IGFBP2: variants seen among roughly 807,000 people sequenced by gnomAD.
IGFBP2 encodes the protein insulin-like growth factor-binding protein 2.
Under a neutral mutation model 26.2 loss-of-function variants are expected in IGFBP2, and 12 were observed. That is an observed-to-expected ratio of 0.46 (90% CI 0.29 to 0.74). IGFBP2 has a LOEUF of 0.74. Ranked by LOEUF, IGFBP2 falls within the 30% of genes least tolerant of loss-of-function variation. The pLI is 0.09. For synonymous variants in IGFBP2, 189 were observed against 200.6 expected (o/e 0.94, Z 0.49); for missense variants, 328 against 441.2 (o/e 0.74, Z 2.30).
chr2:216,647,980 C>G (rs1697749600), intron 1 of IGFBP2, among the ~76,000 whole-genome samples: 1 of 152,218 alleles, frequency 6.6e-6, no homozygotes, highest in Admixed American at 6.5e-5. Context: ...CCTTTGGACA[C>G]TTGGAGGCCA....
chr2:216,635,411 C>T (rs545122639), intron 1 of IGFBP2, among the ~76,000 whole-genome samples: 7 of 152,240 alleles, frequency 4.6e-5, no homozygotes, highest in East Asian at 1.9e-4. Flanking sequence ...GTGCCTGTCC[C>T]CCAGTCATGC....
At chr2:216,634,894 TTTTTTTTTTTTTAA>T (rs1697463020) in intron 1 of IGFBP2, among the ~76,000 whole-genome samples, 1 of 62,414 alleles carries the variant, frequency 1.6e-5, no homozygotes, top group Non-Finnish European at 3.3e-5. Context: ...GGAGGTTACT[TTTTTTTTTTTTTAA>T]TTACGAAAGC....
intron 1 of IGFBP2, among the ~76,000 whole-genome samples, chr2:216,653,934 C>A (rs1697872118): frequency 6.6e-6 from 1 of 152,200 alleles, no homozygotes; most frequent in South Asian, 2.1e-4. Context: ...TCAACCATTT[C>A]TAAGCCCATG....
intron 1 of IGFBP2, among the ~76,000 whole-genome samples, chr2:216,650,442 A>G (rs1436198385): frequency 6.6e-6 from 1 of 152,212 alleles, no homozygotes; most frequent in Admixed American, 6.5e-5. Context: ...TGGTGCTCCA[A>G]AGGAAATCCA....
intron 1 of IGFBP2, among the ~76,000 whole-genome samples, chr2:216,648,840 C>T (rs1055262228): frequency 6.6e-6 from 1 of 152,126 alleles, no homozygotes; most frequent in African/African-American, 2.4e-5. Context: ...AACTCCTGAC[C>T]TCGTGATCCA....
At chr2:216,643,645 A>G (rs1249297570) in intron 1 of IGFBP2, among the ~76,000 whole-genome samples, 3 of 151,602 alleles carry the variant, frequency 2.0e-5, no homozygotes, top group African/African-American at 7.3e-5. Flanking sequence ...ATACACTAAC[A>G]CTAACCATAG....
chr2:216,663,921 T>C lies in IGFBP2; in HGVS notation c.814-19T>C. 6.2e-7 allele frequency: 1 copy of C among 1,610,146 alleles called. No individual in the cohort carries two copies. Among genetic ancestry groups the C allele is most frequent in the Non-Finnish European group, 8.5e-7 (1 of 1,177,572 alleles). On this transcript the variant is annotated intron_variant, in intron 3 of 3. Transcript: ENST00000233809. ...TTGCTGGCTGCGGGCTCCTCCATGC[T>C]CTTCTCCTCTCTCCCCAGTGCAAGA...
At chr2:216,638,263 G>A (rs34298062) in intron 1 of IGFBP2, among the ~76,000 whole-genome samples, 1 of 151,926 alleles carries the variant, frequency 6.6e-6, no homozygotes, top group Non-Finnish European at 1.5e-5. Flanking sequence ...CCAGCACTTA[G>A]GGAGGCTGAG....
chr2:216,652,047 C>CCA (rs34927913), intron 1 of IGFBP2, among the ~76,000 whole-genome samples: 6,551 of 152,198 alleles, frequency 0.043, 228 homozygotes, highest in Middle Eastern at 0.089. Flanking sequence ...CAGGCATGAG[C>CCA]CACCATGCCT....
At chr2:216,645,835 C>A (rs1275885758) in intron 1 of IGFBP2, among the ~76,000 whole-genome samples, 1 of 152,074 alleles carries the variant, frequency 6.6e-6, no homozygotes, top group Non-Finnish European at 1.5e-5. Flanking sequence ...CAGTCATGAC[C>A]CTCGATGCCA....
chr2:216,659,402 C>CA (rs1333717751), intron 1 of IGFBP2, among the ~76,000 whole-genome samples: 2 of 152,246 alleles, frequency 1.3e-5, no homozygotes, highest in African/African-American at 4.8e-5. Context: ...CACCCCTCTG[C>CA]ACCCACCCAG....
At chr2:216,639,342 G>C (rs1338159150) in intron 1 of IGFBP2, among the ~76,000 whole-genome samples, 2 of 151,828 alleles carry the variant, frequency 1.3e-5, no homozygotes, top group East Asian at 3.9e-4. Flanking sequence ...GGCCACAACT[G>C]TTCGATATTG....
At chr2:216,648,555 G>C (rs1226336359) in intron 1 of IGFBP2, among the ~76,000 whole-genome samples, 2 of 152,134 alleles carry the variant, frequency 1.3e-5, no homozygotes, top group South Asian at 2.1e-4. Flanking sequence ...GTTACTGATA[G>C]CTCTGCTTGA....
intron 1 of IGFBP2, among the ~76,000 whole-genome samples, chr2:216,636,601 GA>G (rs1379648349): frequency 6.6e-6 from 1 of 152,138 alleles, no homozygotes; most frequent in African/African-American, 2.4e-5. Context: ...AAGAAAAACC[GA>G]AAGGAGACCC....
chr2:216,655,049 T>C (rs1443089290), intron 1 of IGFBP2, among the ~76,000 whole-genome samples: 5 of 152,076 alleles, frequency 3.3e-5, no homozygotes, highest in African/African-American at 7.2e-5. Context: ...ATTTAAAAAT[T>C]ATTATTTTTC....
chr2:216,663,841 G>T, intron 3 of IGFBP2, 99 bp from the exon 4 acceptor site: 1 of 1,308,648 alleles, frequency 7.6e-7, no homozygotes. Context: ...CAGCGCATGG[G>T]TAGCTGCAAG....
intron 1 of IGFBP2, among the ~76,000 whole-genome samples, chr2:216,637,077 C>T (rs9341109): frequency 0.017 from 2,585 of 152,282 alleles, 62 homozygotes; most frequent in African/African-American, 0.057. Context: ...ACTTCTGGCT[C>T]AGAGTACTGC....
chr2:216,660,475 A>G (rs1698016123), intron 1 of IGFBP2, 82 bp from the exon 2 acceptor site: 1 of 1,007,290 alleles, frequency 9.9e-7, no homozygotes, highest in Non-Finnish European at 1.4e-6. Flanking sequence ...CCTCATCATC[A>G]TTACGGTCCA....
At chr2:216,644,290 G>A (rs1012154862) in intron 1 of IGFBP2, among the ~76,000 whole-genome samples, 1 of 152,166 alleles carries the variant, frequency 6.6e-6, no homozygotes, top group African/African-American at 2.4e-5. Flanking sequence ...TTGGGGAGAA[G>A]GGGGCAGGGG....
Sources: allele counts gnomAD v4.1 joint callset (sites outside exome capture counted in the v4.1 genomes callset), GRCh38; gene constraint gnomAD v4.1.1; transcripts MANE v1.5; gene names NCBI Gene and HGNC (gene_info 2026-07-23, HGNC 2026-07-21).